ZNF804B: variants seen among roughly 807,000 people sequenced by gnomAD.
ZNF804B encodes zinc finger 804B.
ZNF804B carries 80 observed loss-of-function variants against 101.4 expected under a neutral mutation model. The ratio of observed to expected loss-of-function variants is 0.79; its 90% CI spans 0.66 to 0.95. ZNF804B has a LOEUF of 0.95. ZNF804B is among the 40% of genes least tolerant of loss of function. ZNF804B has a pLI of 0.00. For synonymous variants in ZNF804B, 622 were observed against 558.8 expected (o/e 1.11, Z -1.59); for missense variants, 1,673 against 1,561.9 (o/e 1.07, Z -1.20).
At chr7:88,844,979 A>G (rs1791347340) in intron 1 of ZNF804B, among the ~76,000 whole-genome samples, 1 of 152,188 alleles carries the variant, frequency 6.6e-6, no homozygotes, top group Admixed American at 6.5e-5. Context: ...ATTAAAGCAA[A>G]ACCATCATAG....
intron 1 of ZNF804B, among the ~76,000 whole-genome samples, chr7:89,006,873 C>T (rs1788375038): frequency 1.3e-5 from 2 of 152,250 alleles, no homozygotes; most frequent in South Asian, 4.1e-4. Context: ...AATGTCACCA[C>T]AGGCCATTGA....
intron 1 of ZNF804B, among the ~76,000 whole-genome samples, chr7:88,847,006 A>G (rs1791383159): frequency 6.6e-6 from 1 of 152,006 alleles, no homozygotes; most frequent in Non-Finnish European, 1.5e-5. Flanking sequence ...GAAACTAAGA[A>G]GAAAATAGAA....
intron 1 of ZNF804B, among the ~76,000 whole-genome samples, chr7:88,761,725 A>G (rs1330519471): frequency 2.0e-5 from 3 of 152,140 alleles, no homozygotes; most frequent in South Asian, 4.1e-4. Context: ...AGGGCATTGT[A>G]CTGTTTGTGC....
intron 1 of ZNF804B, among the ~76,000 whole-genome samples, chr7:89,002,198 T>C (rs1038711999): frequency 2.0e-5 from 3 of 151,758 alleles, no homozygotes; most frequent in Non-Finnish European, 2.9e-5. Context: ...TAAAGAACTT[T>C]TAAGCAACTA....
intron 1 of ZNF804B, among the ~76,000 whole-genome samples, chr7:89,030,981 T>C (rs1788822781): frequency 6.6e-6 from 1 of 151,932 alleles, no homozygotes; most frequent in Non-Finnish European, 1.5e-5. Context: ...AATGCTGGTT[T>C]TCCCTTAAAA....
intron 1 of ZNF804B, among the ~76,000 whole-genome samples, chr7:89,151,681 A>G (rs1472954428): frequency 6.7e-6 from 1 of 149,488 alleles, no homozygotes; most frequent in Non-Finnish European, 1.5e-5. Context: ...GCATCTAAGT[A>G]AACTTCTTCA....
In ZNF804B at chr7:89,194,899, T is replaced by G. The variant is rs549383198; in HGVS notation, c.109-23256T>G. ...ATGGCATTGAATCTATAAATTACCT[T>G]GGGCAGTATGGCCATTTTCATGATA... is the stretch of plus-strand genomic sequence containing the variant. On this transcript the variant is annotated intron_variant, in intron 1 of 3. Transcript: ENST00000333190. Among the ~76,000 whole-genome samples the G allele has an allele frequency of 1.6e-3, 244 of 152,240 alleles. 2 individuals are homozygous for G. Among genetic ancestry groups the G allele is most frequent in the Non-Finnish European group, 4.0e-4 (27 of 68,030 alleles).
chr7:88,881,940 A>T (rs1434851657), intron 1 of ZNF804B, among the ~76,000 whole-genome samples: 9 of 152,196 alleles, frequency 5.9e-5, no homozygotes, highest in Admixed American at 5.9e-4. Flanking sequence ...TTCAGTGCAG[A>T]GTATTAACAT....
intron 1 of ZNF804B, among the ~76,000 whole-genome samples, chr7:89,215,739 C>T (rs1026113427): frequency 5.3e-5 from 8 of 151,452 alleles, no homozygotes; most frequent in Non-Finnish European, 1.0e-4. Flanking sequence ...AAAAATTAGC[C>T]GGGCGTGGCA....
intron 1 of ZNF804B, among the ~76,000 whole-genome samples, chr7:88,877,026 A>AC (rs1491138122): frequency 2.4e-5 from 1 of 41,096 alleles, no homozygotes; most frequent in Admixed American, 4.7e-4. Flanking sequence ...ATATATATAT[A>AC]ATATATATAT....
chr7:88,955,999 A>G (rs894827599), intron 1 of ZNF804B, among the ~76,000 whole-genome samples: 13 of 151,662 alleles, frequency 8.6e-5, no homozygotes, highest in African/African-American at 3.1e-4. Flanking sequence ...GCAACATCAT[A>G]CATCATCAGG....
At chr7:88,879,949 G>T (rs755591606) in intron 1 of ZNF804B, among the ~76,000 whole-genome samples, 15 of 151,808 alleles carry the variant, frequency 9.9e-5, no homozygotes, top group Non-Finnish European at 2.1e-4. Flanking sequence ...TGAGGCAGGA[G>T]AATTGCTTGA....
At chr7:89,006,333 T>C (rs1014986725) in intron 1 of ZNF804B, among the ~76,000 whole-genome samples, 1 of 152,118 alleles carries the variant, frequency 6.6e-6, no homozygotes, top group Admixed American at 6.6e-5. Flanking sequence ...ATATCGTGCC[T>C]CTTATCATAG....
At chr7:89,075,639 C>T (rs1292475731) in intron 1 of ZNF804B, among the ~76,000 whole-genome samples, 2 of 151,836 alleles carry the variant, frequency 1.3e-5, no homozygotes, top group East Asian at 3.9e-4. Flanking sequence ...GGAATCAAAG[C>T]CCTCACACAG....
intron 1 of ZNF804B, among the ~76,000 whole-genome samples, chr7:88,816,587 C>T (rs1000567149): frequency 2.6e-5 from 4 of 150,988 alleles, no homozygotes; most frequent in African/African-American, 9.8e-5. Flanking sequence ...TGAACAGACA[C>T]TTCTCAAAAG....
At chr7:88,785,244 C>A (rs1008244700) in intron 1 of ZNF804B, among the ~76,000 whole-genome samples, 2 of 152,104 alleles carry the variant, frequency 1.3e-5, no homozygotes, top group Non-Finnish European at 2.9e-5. Context: ...GGAATGGCAT[C>A]TTCACCTGCC....
At position 89,334,411 on chromosome 7, in the gene ZNF804B, C is replaced by A; in HGVS notation, c.1429C>A (p.Pro477Thr). The part of the protein sequence containing the change: ...TEPCISYGCN[P>T]LYFDFKLSRN... ...ACCCTGTATCTCTTATGGCTGCAAC[C>A]CACTGTATTTTGATTTTAAGCTTTC... The change falls in exon 4 of 4, where the codon CCA becomes ACA. Residue 477 changes from proline to threonine, a missense_variant. By Grantham distance (38) the Pro-to-Thr change is conservative (BLOSUM62 -1). Transcript: ENST00000333190. The A allele has an allele frequency of 6.2e-7, 1 of 1,613,620 alleles. No individual in the cohort carries two copies. Among genetic ancestry groups the A allele is most frequent in the Non-Finnish European group, 8.5e-7 (1 of 1,179,822 alleles).
At chr7:88,803,293 G>A (rs1297149678) in intron 1 of ZNF804B, among the ~76,000 whole-genome samples, 1 of 152,156 alleles carries the variant, frequency 6.6e-6, no homozygotes, top group Non-Finnish European at 1.5e-5. Context: ...GATGGATCAT[G>A]AACCAAATTG....
intron 2 of ZNF804B, among the ~76,000 whole-genome samples, chr7:89,326,430 T>C (rs1790896809): frequency 6.6e-6 from 1 of 152,094 alleles, no homozygotes; most frequent in Non-Finnish European, 1.5e-5. Context: ...ATGATAACTA[T>C]GTAGTTTTCT....
Sources: allele counts gnomAD v4.1 joint callset (sites outside exome capture counted in the v4.1 genomes callset), GRCh38; gene constraint gnomAD v4.1.1; transcripts MANE v1.5; gene names NCBI Gene and HGNC (gene_info 2026-07-23, HGNC 2026-07-21).